The following WASHC5 variants were observed in gnomAD, a reference collection of about 807,000 sequenced individuals.
WASHC5 encodes WASH complex subunit 5, also known as WASH complex subunit strumpellin.
A neutral mutation model predicts 150.4 loss-of-function variants in WASHC5; 101 were observed. The ratio of observed to expected loss-of-function variants is 0.67; its 90% confidence interval spans 0.57 to 0.79. WASHC5 has a LOEUF of 0.79. Ranked by LOEUF, WASHC5 falls within the 30% of genes least tolerant of loss-of-function variation. The pLI is 0.00. For missense variants in WASHC5, 1,195 were observed against 1,396.3 expected, an observed-to-expected ratio of 0.86 and a Z score of 2.30; for synonymous variants, 467 against 491.2, an observed-to-expected ratio of 0.95 and a Z score of 0.65.
chr8:125,037,979 G>A (rs1815766464), intron 25 of WASHC5, among the ~76,000 whole-genome samples: 2 of 152,158 alleles, frequency 1.3e-5, no homozygotes, highest in South Asian at 4.1e-4. Flanking sequence ...GCTCTGGTCA[G>A]ACTGCCTGGC....
Position 125,037,274 on chromosome 8 carries a change from G to C in WASHC5, c.3144C>G (p.Ile1048Met). ...TGTATTGAAGTTTTGGCAACTGAGCGATCAAAAATAGAAAGTTTACAATTG... is the reference window on the plus strand; with the variant it reads ...TGTATTGAAGTTTTGGCAACTGAGCCATCAAAAATAGAAAGTTTACAATTG... ...YFPIVNFLFL[I>M]AQLPKLQYNK... The change falls in exon 26 of 29, where the codon ATC becomes ATG. Residue 1048 changes from isoleucine to methionine, a missense_variant. Transcript: ENST00000318410. 3.1e-6 allele frequency: 5 copies of C among 1,612,256 alleles called. No individual in the cohort carries two copies. Among genetic ancestry groups the C allele is most frequent in the Non-Finnish European group, 4.2e-6 (5 of 1,178,458 alleles).
At chr8:125,036,721 T>A (rs1397337200) in intron 26 of WASHC5, among the ~76,000 whole-genome samples, 8 of 143,714 alleles carry the variant, frequency 5.6e-5, no homozygotes, top group Non-Finnish European at 1.0e-4. Flanking sequence ...AAAAAAAAAA[T>A]AAATCCGGCC....
chr8:125,076,590 T>C (rs1817069521), intron 6 of WASHC5, 90 bp from the exon 7 acceptor site: 1 of 1,497,220 alleles, frequency 6.7e-7, no homozygotes, highest in Non-Finnish European at 9.2e-7. Context: ...GTAAGACACA[T>C]CAGTTTTTCC....
intron 16 of WASHC5, among the ~76,000 whole-genome samples, chr8:125,056,342 T>C (rs1010826848): frequency 3.9e-5 from 6 of 152,140 alleles, no homozygotes; most frequent in Non-Finnish European, 8.8e-5. Context: ...TTTGAGCTGC[T>C]CAAAAAGGAA....
At position 125,038,916 on chromosome 8, in the gene WASHC5, G is replaced by A. The variant is rs200191392; in HGVS notation, c.2998C>T (p.Leu1000Phe). 15 of 1,614,078 alleles carry A rather than the reference G, an allele frequency of 9.3e-6. No homozygotes were observed. In the African/African-American group the frequency reaches 1.9e-4, roughly 20 times the overall value. The change falls in exon 25 of 29, where the codon CTT becomes TTT. Residue 1000 changes from leucine (L) to phenylalanine (F), a missense_variant. Physicochemically the swap from Leu to Phe is conservative, Grantham distance 22. This residue lies in a region of WASHC5 where 997 missense variants were observed against 1,168.1 expected (regional missense o/e 0.85). Transcript: ENST00000318410. The part of the protein sequence containing the change: ...DIEAHYQDPS[L>F]PYPKEDNTLL... ...GTGTTATCTTCTTTGGGGTAAGGAA[G>A]TGAAGGGTCCTGATAGTGGGCTTCA...
intron 8 of WASHC5, among the ~76,000 whole-genome samples, chr8:125,074,491 T>C (rs1816992812): frequency 6.6e-6 from 1 of 152,322 alleles, no homozygotes; most frequent in African/African-American, 2.4e-5. Context: ...TGTTCCCTTC[T>C]GCCTTGTGTA....
intron 26 of WASHC5, among the ~76,000 whole-genome samples, chr8:125,033,789 C>A (rs909382701): frequency 1.3e-5 from 2 of 152,070 alleles, no homozygotes; most frequent in Admixed American, 6.5e-5. Context: ...CTCAGGTGAT[C>A]CTCTCGTCTC....
chr8:125,078,981 A>T (rs912754435), intron 5 of WASHC5, 51 bp from the exon 6 acceptor site: 4 of 1,478,892 alleles, frequency 2.7e-6, no homozygotes, highest in Non-Finnish European at 2.8e-6. Context: ...ACATATTAGA[A>T]ACTGAAAAGT....
chr8:125,043,050 C>A (rs1815943506), intron 23 of WASHC5, among the ~76,000 whole-genome samples: 1 of 152,182 alleles, frequency 6.6e-6, no homozygotes, highest in Non-Finnish European at 1.5e-5. Context: ...TGACCACAAA[C>A]CAGTTTTCTA....
rs557785578 is a variant in WASHC5 at position 125,028,745 on chromosome 8, G to C, written c.3336-38C>G. The C allele has an allele frequency of 1.9e-5, 27 of 1,393,934 alleles. No homozygotes were observed. The Admixed American group carries it at 4.2e-4, about 22-fold the overall frequency. The allele number at this position is 1,393,934 out of a possible 1,614,324, so 86.3% of individuals were successfully genotyped here. ...ACAGTTTAGATCAATTAACTGCTTT[G>C]CACATCATAAGCCCTTTTGGTCAGA... On this transcript the variant is annotated intron_variant, in intron 27 of 28. Coordinates refer to ENST00000318410, the MANE Select transcript of WASHC5 (RefSeq NM_014846.4).
chr8:125,073,134 C>T lies in WASHC5; in HGVS notation c.1150+19G>A. The T allele has an allele frequency of 6.2e-7, 1 of 1,613,572 alleles. No homozygotes were observed. Among genetic ancestry groups the T allele is most frequent in the Non-Finnish European group, 8.5e-7 (1 of 1,179,550 alleles). On this transcript the variant is annotated intron_variant, in intron 9 of 28. Coordinates refer to ENST00000318410, the MANE Select transcript of WASHC5 (RefSeq NM_014846.4). Reference sequence around the variant, plus strand: ...CTTTATGTGGAGTAATATAAACGGCCACCCCTTTTGTGCATTACCTGAGTC... The same window carrying T: ...CTTTATGTGGAGTAATATAAACGGCTACCCCTTTTGTGCATTACCTGAGTC...
chr8:125,078,973 A>G lies in WASHC5; in HGVS notation c.519-43T>C, dbSNP rs764496897. On this transcript the variant is annotated intron_variant, in intron 5 of 28. Coordinates refer to ENST00000318410, the MANE Select transcript of WASHC5 (RefSeq NM_014846.4). ...TGGGAAACAAAGACCCAAAACACACATATTAGAAACTGAAAAGTCCAATAA... is the reference window on the plus strand; with the variant it reads ...TGGGAAACAAAGACCCAAAACACACGTATTAGAAACTGAAAAGTCCAATAA... The G allele has an allele frequency of 3.4e-5, 52 of 1,532,830 alleles. No homozygotes were observed. The East Asian group carries it at 1.1e-3, about 33-fold the overall frequency. 95.0% of individuals were successfully genotyped at this position (1,532,830 alleles called of 1,614,324 possible). A position where few individuals can be genotyped will look rare whatever the true frequency, so the allele number is the denominator to read the frequency against.
Position 125,056,804 on chromosome 8 carries a change from A to G in WASHC5, c.1889T>C (p.Ile630Thr), listed in dbSNP as rs773906308. Reference protein sequence around the residue: ...VSYVRKVLQIIPESMFTSLLK... With the variant: ...VSYVRKVLQITPESMFTSLLK... ...AAGAGATGTAAACATGCTTTCTGGG[A>G]TGATCTGCAAAACCTTCAGTGAAAA... The change falls in exon 16 of 29, where the codon ATC (isoleucine) becomes ACC (threonine). Residue 630 changes from isoleucine to threonine, a missense_variant. Ile to Thr is a moderately conservative substitution (Grantham distance 89). This residue lies in a region of WASHC5 where 997 missense variants were observed against 1,168.1 expected (regional missense o/e 0.85). Coordinates refer to ENST00000318410, the MANE Select transcript of WASHC5 (RefSeq NM_014846.4). 5.6e-6 allele frequency: 9 copies of G among 1,614,162 alleles called. No individual in the cohort carries two copies. The highest frequency in any genetic ancestry group is 7.6e-6 in the Non-Finnish European group (9 of 1,180,018).
At chr8:125,033,476 A>G (rs764107188) in intron 26 of WASHC5, among the ~76,000 whole-genome samples, 9 of 152,228 alleles carry the variant, frequency 5.9e-5, no homozygotes, top group Non-Finnish European at 8.8e-5. Flanking sequence ...ACTGGCCTCA[A>G]TGTAAAAGCA....
chr8:125,081,363 G>C (rs1817255492), intron 5 of WASHC5, among the ~76,000 whole-genome samples: 2 of 150,950 alleles, frequency 1.3e-5, no homozygotes, highest in African/African-American at 4.9e-5. Flanking sequence ...TCAGCCTCCT[G>C]AGTACCTGGA....
At position 125,044,714 on chromosome 8, in the gene WASHC5, T is replaced by C. The variant is rs779238609; in HGVS notation, c.2505-16A>G. ...ACATGTCATTCTAAAATGAAAACAA[T>C]GCAAAAACCCCAGAATGGCTCAGAA... On this transcript the variant is annotated splice_polypyrimidine_tract_variant and intron_variant, in intron 20 of 28. Coordinates refer to ENST00000318410, the MANE Select transcript of WASHC5 (RefSeq NM_014846.4). The C allele has an allele frequency of 6.2e-7, 1 of 1,613,276 alleles. No individual in the cohort carries two copies. Among genetic ancestry groups the C allele is most frequent in the Non-Finnish European group, 8.5e-7 (1 of 1,179,650 alleles).
At position 125,059,307 on chromosome 8, in the gene WASHC5, G is replaced by GA; in HGVS notation, c.1689-11dup. On this transcript the variant is annotated splice_polypyrimidine_tract_variant and intron_variant, in intron 13 of 28. Coordinates refer to ENST00000318410, the MANE Select transcript of WASHC5 (RefSeq NM_014846.4). ...CATGATGGATGTGAAACTGTAAAAAGAAAAGAAACGGTAAGAAGATGTTCC... is the reference window on the plus strand; with the variant it reads ...CATGATGGATGTGAAACTGTAAAAAGAAAAAGAAACGGTAAGAAGATGTTCC... 2 of 1,613,832 alleles carry GA rather than the reference G, an allele frequency of 1.2e-6. No individual in the cohort carries two copies. The highest frequency in any genetic ancestry group is 1.7e-6 in the Non-Finnish European group (2 of 1,179,762).
At chr8:125,042,886 C>G (rs1815937250) in intron 23 of WASHC5, among the ~76,000 whole-genome samples, 1 of 152,174 alleles carries the variant, frequency 6.6e-6, no homozygotes. Flanking sequence ...AACCACTCAC[C>G]AAAATTATGG....
chr8:125,044,174 GCAGAA>G, intron 21 of WASHC5, 80 bp from the exon 22 acceptor site: 1 of 945,170 alleles, frequency 1.1e-6, no homozygotes, highest in Non-Finnish European at 1.7e-6. Context: ...AAAATGCTAT[GCAGAA>G]CAGAGGCTGG....
Sources: allele counts gnomAD v4.1 joint callset (sites outside exome capture counted in the v4.1 genomes callset), GRCh38; gene constraint gnomAD v4.1.1; regional missense constraint gnomAD v4.1.1; transcripts MANE v1.5; gene names NCBI Gene and HGNC (gene_info 2026-07-23, HGNC 2026-07-21).